BLTP1: variants seen among roughly 807,000 people sequenced by gnomAD.
BLTP1 encodes fragile site-associated protein.
At chr4:122,271,543 A>C in the BLTP1 span, 2 of 1,613,456 alleles carry the variant, frequency 1.2e-6, no homozygotes, top group Admixed American at 3.3e-5. Flanking sequence ...GGAAAGGTTC[A>C]AAAGATGTGG....
the BLTP1 span, among the ~76,000 whole-genome samples, chr4:122,306,201 C>T: frequency 6.6e-6 from 1 of 151,530 alleles, no homozygotes; most frequent in Non-Finnish European, 1.5e-5. Context: ...TGCTTTTTGC[C>T]TTCAGTTTTT....
chr4:122,357,468 A>T, the BLTP1 span, among the ~76,000 whole-genome samples: 1 of 151,102 alleles, frequency 6.6e-6, no homozygotes. Context: ...GGAGGCTGTG[A>T]GGTGGGAGGA....
At chr4:122,216,829 T>C in the BLTP1 span, among the ~76,000 whole-genome samples, 6 of 152,156 alleles carry the variant, frequency 3.9e-5, no homozygotes, top group African/African-American at 1.4e-4. Context: ...TGGTGAAGAA[T>C]TCTTTGCCTA....
the BLTP1 span, among the ~76,000 whole-genome samples, chr4:122,327,099 G>GTTT: frequency 6.8e-6 from 1 of 148,114 alleles, no homozygotes; most frequent in East Asian, 2.0e-4. Context: ...TCATAGGGGG[G>GTTT]TGTTTTGTTT....
At chr4:122,304,550 G>T in the BLTP1 span, 1 of 173,108 alleles carries the variant, frequency 5.8e-6, no homozygotes, top group Non-Finnish European at 1.1e-5. Flanking sequence ...ATGTTTTTTA[G>T]ACATAATGGT....
At chr4:122,192,374 G>A in the BLTP1 span, 8 of 1,594,078 alleles carry the variant, frequency 5.0e-6, no homozygotes, top group South Asian at 5.5e-5. Flanking sequence ...GGGCCGATAG[G>A]CAGAGGTACT....
chr4:122,324,837 C>G, the BLTP1 span, among the ~76,000 whole-genome samples: 6 of 151,762 alleles, frequency 4.0e-5, no homozygotes, highest in African/African-American at 1.5e-4. Flanking sequence ...TATGCGTAAA[C>G]TTATAGATTA....
the BLTP1 span, chr4:122,310,868 A>G: frequency 1.4e-6 from 1 of 728,404 alleles, no homozygotes; most frequent in Non-Finnish European, 1.7e-6. Context: ...ACTTCAGGTT[A>G]CTGAGAAGAC....
the BLTP1 span, chr4:122,325,055 TA>T: frequency 4.0e-6 from 1 of 247,934 alleles, no homozygotes; most frequent in Non-Finnish European, 6.4e-6. Context: ...AATCTTGAGT[TA>T]ACCAAAACAT....
chr4:122,281,154 G>T, the BLTP1 span: 1 of 214,732 alleles, frequency 4.7e-6, no homozygotes, highest in Non-Finnish European at 8.0e-6. Context: ...TATTGTTATT[G>T]TTGGGGTTGG....
the BLTP1 span, chr4:122,221,017 T>G: frequency 2.1e-5 from 18 of 872,170 alleles, no homozygotes; most frequent in Non-Finnish European, 2.5e-5. Flanking sequence ...TTATTATTTT[T>G]TTCATGCCAA....
chr4:122,235,977 G>C, the BLTP1 span, among the ~76,000 whole-genome samples: 1 of 152,106 alleles, frequency 6.6e-6, no homozygotes, highest in Non-Finnish European at 1.5e-5. Flanking sequence ...GTGTTCCTAT[G>C]ATTCAGTGCA....
the BLTP1 span, among the ~76,000 whole-genome samples, chr4:122,196,390 T>C: frequency 6.6e-6 from 1 of 152,104 alleles, no homozygotes; most frequent in Admixed American, 6.5e-5. Context: ...TTGTAGAGAG[T>C]CTTTAGTTTG....
the BLTP1 span, chr4:122,214,160 A>T: frequency 3.6e-6 from 3 of 843,668 alleles, no homozygotes; most frequent in African/African-American, 3.7e-5. Flanking sequence ...GCCTATTGTT[A>T]TTTTTTTTTT....
the BLTP1 span, chr4:122,207,291 A>T: frequency 6.4e-7 from 1 of 1,572,762 alleles, no homozygotes; most frequent in Non-Finnish European, 8.7e-7. Flanking sequence ...AAATTAGGTT[A>T]AATATTTCTC....
At chr4:122,258,724 C>T in the BLTP1 span, 3 of 1,613,644 alleles carry the variant, frequency 1.9e-6, no homozygotes, top group Non-Finnish European at 2.5e-6. Context: ...ACACACAATG[C>T]TATTAGAAGG....
At chr4:122,198,927 G>C in the BLTP1 span, among the ~76,000 whole-genome samples, 2 of 152,106 alleles carry the variant, frequency 1.3e-5, no homozygotes, top group Non-Finnish European at 2.9e-5. Flanking sequence ...TTCAGCTTTT[G>C]TTGAGAATGG....
chr4:122,155,655 A>T, the BLTP1 span, among the ~76,000 whole-genome samples: 3 of 152,172 alleles, frequency 2.0e-5, no homozygotes, highest in Non-Finnish European at 4.4e-5. Context: ...TAATTTTAGC[A>T]TACTGTATTT....
the BLTP1 span, chr4:122,280,116 G>A: frequency 6.6e-7 from 1 of 1,517,084 alleles, no homozygotes; most frequent in Non-Finnish European, 8.8e-7. Flanking sequence ...TGGAGCAAGA[G>A]GAGAGTAGCC....
Sources: allele counts gnomAD v4.1 joint callset (sites outside exome capture counted in the v4.1 genomes callset), GRCh38; gene constraint gnomAD v4.1.1; transcripts MANE v1.5; gene names NCBI Gene and HGNC (gene_info 2026-07-23, HGNC 2026-07-21).